The following PLPP3 variants were observed in gnomAD, a reference collection of about 807,000 sequenced individuals.
PLPP3 encodes the protein phospholipid phosphatase 3.
In PLPP3, 6 loss-of-function variants were observed where a neutral mutation model predicts 29.6. That is an observed-to-expected ratio of 0.20 (90% CI 0.11 to 0.40). PLPP3 has a LOEUF of 0.40. PLPP3 is among the 10% of genes least tolerant of loss of function. The pLI is 1.00. For missense variants in PLPP3, 308 were observed against 407.7 expected, an observed-to-expected ratio of 0.76 and a Z score of 2.11; for synonymous variants, 152 against 159.7, an observed-to-expected ratio of 0.95 and a Z score of 0.36.
intron 4 of PLPP3, among the ~76,000 whole-genome samples, chr1:56,514,876 G>C (rs1327521296): frequency 1.3e-5 from 2 of 152,176 alleles, no homozygotes; most frequent in Non-Finnish European, 2.9e-5. Context: ...ATAGGCCAAA[G>C]ACTACTCCCT....
chr1:56,556,158 T>G (rs1011392793), intron 1 of PLPP3, among the ~76,000 whole-genome samples: 1 of 152,316 alleles, frequency 6.6e-6, no homozygotes, highest in African/African-American at 2.4e-5. Flanking sequence ...ACCAAATTCA[T>G]GTTGAAGTGG....
intron 1 of PLPP3, among the ~76,000 whole-genome samples, chr1:56,541,810 A>T (rs911576406): frequency 1.3e-5 from 2 of 152,142 alleles, no homozygotes; most frequent in East Asian, 3.9e-4. Context: ...TGTTCAGAAC[A>T]ATCAAGGGAA....
chr1:56,534,409 T>G (rs534261140), intron 2 of PLPP3, among the ~76,000 whole-genome samples: 5 of 152,288 alleles, frequency 3.3e-5, no homozygotes, highest in African/African-American at 1.2e-4. Context: ...TCTCCTCCAC[T>G]GCCATTCCGT....
At chr1:56,571,003 T>C (rs571760875) in intron 1 of PLPP3, among the ~76,000 whole-genome samples, 1 of 152,358 alleles carries the variant, frequency 6.6e-6, no homozygotes, top group South Asian at 2.1e-4. Flanking sequence ...GATTAAAAGT[T>C]AAACCTGTTT....
chr1:56,542,282 C>A (rs1292015526), intron 1 of PLPP3, among the ~76,000 whole-genome samples: 1 of 152,138 alleles, frequency 6.6e-6, no homozygotes, highest in Non-Finnish European at 1.5e-5. Flanking sequence ...GTGGCCCACC[C>A]ATTGATAAAC....
Position 56,537,112 on chromosome 1 carries a change from G to A in PLPP3, c.140C>T (p.Ala47Val), listed in dbSNP as rs1349263606. 3.7e-6 allele frequency: 6 copies of A among 1,613,112 alleles called. No individual in the cohort carries two copies. The highest frequency in any genetic ancestry group is 1.1e-5 in the South Asian group (1 of 91,016). Residue 47 changes from alanine (A) to valine (V), a missense_variant and splice_region_variant, in exon 2 of 6, where the codon GCG (alanine) becomes GTG (valine). Around this residue, in one of 3 missense-constraint regions of PLPP3, gnomAD observed 9 missense variants for 29.3 expected, o/e 0.31. Transcript: ENST00000371250. ...CTCGATGATGAGGAAGGGGAGGCCC[G>A]CTGGTCCAGGTGGAACCATGGCATA... ...ICLDLFCLFM[A>V]GLPFLIIETS...
intron 1 of PLPP3, among the ~76,000 whole-genome samples, chr1:56,567,393 C>CTTTTTTTTTTTTTTTTTTT (rs1172831045): frequency 8.5e-6 from 1 of 117,010 alleles, no homozygotes; most frequent in East Asian, 2.8e-4. Context: ...TAAGGTATTT[C>CTTTTTTTTTTTTTTTTTTT]TTTTTTTTTT....
intron 1 of PLPP3, among the ~76,000 whole-genome samples, chr1:56,555,073 G>C (rs1646064807): frequency 6.6e-6 from 1 of 152,172 alleles, no homozygotes. Flanking sequence ...ATTAAGAAAA[G>C]GAGTTGTAAT....
intron 2 of PLPP3, among the ~76,000 whole-genome samples, chr1:56,530,916 A>C (rs1233275750): frequency 2.0e-5 from 3 of 152,194 alleles, no homozygotes; most frequent in Non-Finnish European, 4.4e-5. Flanking sequence ...CCTTCTGCCT[A>C]GGTCAGGTTC....
intron 1 of PLPP3, among the ~76,000 whole-genome samples, chr1:56,542,850 C>T (rs891087441): frequency 2.0e-5 from 3 of 151,956 alleles, no homozygotes; most frequent in East Asian, 1.9e-4. Context: ...GATGAAACTC[C>T]GTCTCTACCA....
chr1:56,531,733 T>A (rs965899424), intron 2 of PLPP3, among the ~76,000 whole-genome samples: 12 of 152,224 alleles, frequency 7.9e-5, no homozygotes, highest in African/African-American at 2.9e-4. Flanking sequence ...TTTTAATTCG[T>A]GTTCCCCCAT....
chr1:56,518,715 T>A (rs867696612), intron 4 of PLPP3, among the ~76,000 whole-genome samples: 66 of 126,660 alleles, frequency 5.2e-4, no homozygotes, highest in East Asian at 4.2e-3. Context: ...TTTTAATCAT[T>A]TATATATATA....
At chr1:56,523,358 A>G (rs1449807567) in intron 4 of PLPP3, among the ~76,000 whole-genome samples, 3 of 152,154 alleles carry the variant, frequency 2.0e-5, no homozygotes, top group Admixed American at 6.5e-5. Context: ...AGTTCACTTT[A>G]ATTTTCTGAG....
chr1:56,536,615 C>G (rs958529117), intron 2 of PLPP3, among the ~76,000 whole-genome samples: 1 of 152,284 alleles, frequency 6.6e-6, no homozygotes, highest in East Asian at 1.9e-4. Flanking sequence ...AACTGCCTAT[C>G]CCCTTGAGCA....
Position 56,496,578 on chromosome 1 carries a change from G to A in PLPP3, c.909C>T (p.Asp303=). 1.2e-6 allele frequency: 2 copies of A among 1,614,064 alleles called. No homozygotes were observed. The highest frequency in any genetic ancestry group is 1.7e-6 in the Non-Finnish European group (2 of 1,179,956). Residue 303 remains aspartate, a synonymous_variant, in exon 6 of 6, where the codon GAC becomes GAT. Transcript: ENST00000371250. ...KEILSPVDII[D]RNNHHNMM ...ACATCATGTTGTGGTGATTGTTCCT[G>A]TCAATAATGTCCACAGGTGAAAGGA...
At chr1:56,551,640 AGAGCAAACGGCATACGT>A (rs1352275124) in intron 1 of PLPP3, among the ~76,000 whole-genome samples, 1 of 152,184 alleles carries the variant, frequency 6.6e-6, no homozygotes, top group African/African-American at 2.4e-5. Flanking sequence ...GGTACTTCTG[AGAGCAAACGGCATACGT>A]GAGCTCCTAC....
intron 1 of PLPP3, among the ~76,000 whole-genome samples, chr1:56,543,242 T>C (rs1254614152): frequency 6.6e-6 from 1 of 152,194 alleles, no homozygotes; most frequent in East Asian, 1.9e-4. Context: ...ACTTTAGGAA[T>C]TGATTAATTT....
chr1:56,513,485 T>C (rs960063780), intron 4 of PLPP3: 3 of 152,546 alleles, frequency 2.0e-5, no homozygotes, highest in African/African-American at 7.2e-5. Flanking sequence ...GAGTTTGTCC[T>C]TCCTGGGACA....
chr1:56,530,612 C>T (rs543471359), intron 2 of PLPP3, among the ~76,000 whole-genome samples: 2 of 152,208 alleles, frequency 1.3e-5, no homozygotes, highest in Non-Finnish European at 2.9e-5. Flanking sequence ...AGGTCTTTTG[C>T]ATCCATCTTT....
Sources: gnomAD v4.1 joint callset for allele counts (sites outside exome capture counted in the v4.1 genomes callset) on GRCh38, gnomAD v4.1.1 for gene constraint, gnomAD v4.1.1 regional missense constraint, MANE v1.5 for transcripts, NCBI Gene and HGNC (gene_info 2026-07-23, HGNC 2026-07-21) for gene names.